Variants in ARSB observed in about 807,000 individuals in gnomAD.
ARSB encodes the protein N-acetylgalactosamine-4-sulfatase.
ARSB carries 41 observed loss-of-function variants against 50.9 expected under a neutral mutation model. The ratio of observed to expected loss-of-function variants is 0.81; its 90% CI spans 0.63 to 1.04. ARSB has a LOEUF of 1.04. Among genes scored for constraint, ARSB ranks in the 50% least tolerant of loss-of-function variants. The pLI, the probability that ARSB is intolerant of heterozygous loss-of-function variation, is 0.00. For missense variants in ARSB, 672 were observed against 693.3 expected (o/e 0.97, Z 0.35); for synonymous variants, 269 against 284.8 (o/e 0.94, Z 0.56).
rs115062882 is a variant in ARSB, at chr5:78,784,132, G to A, written c.1214-2158C>T. On this transcript the variant is annotated intron_variant, in intron 6 of 7. Transcript: ENST00000264914. ...TATTGTGACTTCAGTGCATCCTTCA[G>A]CCATTTTAAAATGCAGAATACATAT... 5.4e-3 allele frequency among the ~76,000 whole-genome samples: 824 copies of A among 152,206 alleles called. 3 individuals are homozygous for A. The highest frequency in any genetic ancestry group is 0.018 in the South Asian group (88 of 4,822).
intron 4 of ARSB, among the ~76,000 whole-genome samples, chr5:78,941,840 T>G (rs1750947418): frequency 6.6e-6 from 1 of 152,330 alleles, no homozygotes; most frequent in South Asian, 2.1e-4. Context: ...TTGATTGGAA[T>G]AGTTTCAGAA....
At chr5:78,908,275 C>T (rs1381110430) in intron 4 of ARSB, among the ~76,000 whole-genome samples, 2 of 152,116 alleles carry the variant, frequency 1.3e-5, no homozygotes, top group South Asian at 2.1e-4. Context: ...CTCTGACCCC[C>T]CTCCCCCGAC....
chr5:78,841,326 T>C (rs1745208368), intron 5 of ARSB, among the ~76,000 whole-genome samples: 1 of 152,074 alleles, frequency 6.6e-6, no homozygotes, highest in South Asian at 2.1e-4. Context: ...TGAGACTCTG[T>C]CTTAAAACAA....
intron 6 of ARSB, among the ~76,000 whole-genome samples, chr5:78,797,760 G>A (rs977941317): frequency 6.6e-5 from 10 of 152,148 alleles, no homozygotes; most frequent in African/African-American, 1.9e-4. Context: ...TCTAATGTCC[G>A]ATGTGCACTG....
chr5:78,816,142 G>C (rs1440927926), intron 6 of ARSB: 3 of 1,614,126 alleles, frequency 1.9e-6, no homozygotes, highest in Middle Eastern at 1.6e-4. Context: ...TGACTTTCCT[G>C]AAGATATACA....
At position 78,948,744 on chromosome 5, in the gene ARSB, G is replaced by C. The variant is rs375840921; in HGVS notation, c.898+6551C>G. Among the ~76,000 whole-genome samples, 10 of 152,208 alleles carry C rather than the reference G, an allele frequency of 6.6e-5. No homozygotes were observed. In the East Asian group the frequency reaches 1.5e-3, roughly 23 times the overall value. Reference sequence around the variant, plus strand: ...AGCTGTCATATATATATTCCTCCTAGTGAGGAGGATATATGTATAAACATA... The same window carrying C: ...AGCTGTCATATATATATTCCTCCTACTGAGGAGGATATATGTATAAACATA... On this transcript the variant is annotated intron_variant, in intron 4 of 7. Transcript: ENST00000264914.
intron 6 of ARSB, among the ~76,000 whole-genome samples, chr5:78,822,912 A>G (rs1744293830): frequency 6.6e-6 from 1 of 152,220 alleles, no homozygotes; most frequent in African/African-American, 2.4e-5. Flanking sequence ...CTGGGATTAC[A>G]GGCGTGAGCC....
At chr5:78,956,391 C>T (rs750270098) in intron 3 of ARSB, among the ~76,000 whole-genome samples, 7 of 151,910 alleles carry the variant, frequency 4.6e-5, no homozygotes, top group Non-Finnish European at 1.0e-4. Context: ...TGAGTGATTG[C>T]TAACAGATAC....
In ARSB at chr5:78,779,721, A is replaced by G. The variant is rs1319691778; in HGVS notation, c.*676T>C. The G allele has an allele frequency of 6.5e-6, 1 of 152,864 alleles. No individual in the cohort carries two copies. Among genetic ancestry groups the G allele is most frequent in the Non-Finnish European group, 1.5e-5 (1 of 68,600 alleles). The allele number at this position is 152,864 out of a possible 1,614,324, so 9.5% of individuals were successfully genotyped here. ...GAAAGGCAGGAAAAGCCACAGAAGA[A>G]TTGGAAGTGGCAGGAAGTCTAGACA... On this transcript the variant is annotated 3_prime_UTR_variant, in exon 8 of 8. Coordinates refer to ENST00000264914, the MANE Select transcript of ARSB (RefSeq NM_000046.5).
intron 6 of ARSB, among the ~76,000 whole-genome samples, chr5:78,799,952 T>G (rs1478205353): frequency 6.6e-6 from 1 of 152,094 alleles, no homozygotes; most frequent in Non-Finnish European, 1.5e-5. Context: ...GGATTGTGAA[T>G]GAAAAAGTGG....
At chr5:78,801,544 G>A (rs1365405301) in intron 6 of ARSB, among the ~76,000 whole-genome samples, 2 of 152,180 alleles carry the variant, frequency 1.3e-5, no homozygotes, top group African/African-American at 4.8e-5. Flanking sequence ...TGCCACAGGT[G>A]CACTCTCACT....
upstream of ARSB, chr5:78,985,329 G>A (rs2112584516): frequency 8.4e-7 from 1 of 1,188,908 alleles, no homozygotes; most frequent in Non-Finnish European, 1.0e-6. Context: ...GGGCTGCCGG[G>A]GCCTGCTCCG....
At chr5:78,899,448 A>G (rs928584992) in intron 4 of ARSB, among the ~76,000 whole-genome samples, 2 of 152,142 alleles carry the variant, frequency 1.3e-5, no homozygotes, top group Non-Finnish European at 2.9e-5. Flanking sequence ...AACAGCAGTA[A>G]TTCTTAGATT....
At chr5:78,881,098 G>A (rs1275106524) in intron 5 of ARSB, among the ~76,000 whole-genome samples, 1 of 152,098 alleles carries the variant, frequency 6.6e-6, no homozygotes, top group African/African-American at 2.4e-5. Flanking sequence ...TGGGTATGTT[G>A]ATGCATACCT....
At position 78,959,050 on chromosome 5, in the gene ARSB, T is replaced by C. The variant is rs905815127; in HGVS notation, c.691-3548A>G. On this transcript the variant is annotated intron_variant, in intron 3 of 7. Coordinates refer to ENST00000264914, the MANE Select transcript of ARSB (RefSeq NM_000046.5). ...ACCCAAATTTCATCTTTAATTGTAG[T>C]TCCCATAATCCCCATGTGTCAGGGG... Among the ~76,000 whole-genome samples the C allele has an allele frequency of 3.3e-4, 51 of 152,334 alleles. 1 individual carries two copies. The highest frequency in any genetic ancestry group is 1.2e-3 in the African/African-American group (48 of 41,574).
At chr5:78,838,247 A>G (rs1487278903) in intron 6 of ARSB, among the ~76,000 whole-genome samples, 2 of 152,166 alleles carry the variant, frequency 1.3e-5, no homozygotes, top group Non-Finnish European at 2.9e-5. Flanking sequence ...AGAGGGAGAC[A>G]TGGGGCTGGG....
chr5:78,811,291 C>CT (rs1743796477), intron 6 of ARSB, among the ~76,000 whole-genome samples: 1 of 152,140 alleles, frequency 6.6e-6, no homozygotes, highest in South Asian at 2.1e-4. Context: ...ACACTAGAAA[C>CT]TTTTTTGCAG....
chr5:78,933,517 G>T (rs1314390953), intron 4 of ARSB, among the ~76,000 whole-genome samples: 1 of 152,108 alleles, frequency 6.6e-6, no homozygotes, highest in Non-Finnish European at 1.5e-5. Context: ...GGAGGTCAAT[G>T]GCGATAGAGT....
At chr5:78,881,342 A>G (rs537860857) in intron 5 of ARSB, among the ~76,000 whole-genome samples, 26 of 152,318 alleles carry the variant, frequency 1.7e-4, no homozygotes, top group Admixed American at 3.9e-4. Context: ...TTCTGAACAA[A>G]AAAGCAAGAG....
Sources: allele counts gnomAD v4.1 joint callset (sites outside exome capture counted in the v4.1 genomes callset), GRCh38; gene constraint gnomAD v4.1.1; transcripts MANE v1.5; gene names NCBI Gene and HGNC (gene_info 2026-07-23, HGNC 2026-07-21).